Variants in SAMD12 observed in about 807,000 individuals in gnomAD.
SAMD12 encodes the protein sterile alpha motif domain-containing protein 12.
A neutral mutation model predicts 15.0 loss-of-function variants in SAMD12; 9 were observed. The ratio of observed to expected loss-of-function variants is 0.60; its 90% CI spans 0.36 to 1.05. The LOEUF (loss-of-function observed/expected upper bound fraction) is 1.05. Ranked by LOEUF, SAMD12 falls within the 50% of genes least tolerant of loss-of-function variation. SAMD12 has a pLI of 0.01. For missense variants in SAMD12, 230 were observed against 234.2 expected (o/e 0.98, Z 0.12); for synonymous variants, 86 against 90.1 (o/e 0.96, Z 0.25).
chr8:118,320,820 A>AAAAT (rs1554631088), intron 4 of SAMD12, among the ~76,000 whole-genome samples: 2 of 123,048 alleles, frequency 1.6e-5, no homozygotes, highest in African/African-American at 5.4e-5. Context: ...GTATAATAAA[A>AAAAT]ATATATATAT....
intron 4 of SAMD12, among the ~76,000 whole-genome samples, chr8:118,360,454 G>T (rs1382469006): frequency 6.6e-6 from 1 of 151,594 alleles, no homozygotes; most frequent in African/African-American, 2.4e-5. Context: ...TGAAGTCACT[G>T]TTTACATTGT....
At chr8:118,521,228 T>C (rs1340491478) in intron 2 of SAMD12, among the ~76,000 whole-genome samples, 1 of 152,176 alleles carries the variant, frequency 6.6e-6, no homozygotes, top group Admixed American at 6.6e-5. Context: ...CCAGCTGTTA[T>C]CTCTACCCAG....
intron 4 of SAMD12, among the ~76,000 whole-genome samples, chr8:118,304,499 G>T (rs185019913): frequency 6.6e-6 from 1 of 152,072 alleles, no homozygotes; most frequent in Non-Finnish European, 1.5e-5. Flanking sequence ...AGTGGCTCAC[G>T]CCTGTAATCG....
At chr8:118,264,978 A>G (rs1164795482) in intron 4 of SAMD12, among the ~76,000 whole-genome samples, 1 of 152,144 alleles carries the variant, frequency 6.6e-6, no homozygotes, top group African/African-American at 2.4e-5. Context: ...GGTACTTCCA[A>G]TGGTGATTTC....
chr8:118,511,849 A>G (rs1291304615), intron 2 of SAMD12, among the ~76,000 whole-genome samples: 5 of 152,230 alleles, frequency 3.3e-5, no homozygotes, highest in Non-Finnish European at 7.3e-5. Flanking sequence ...CAAGAGGGAC[A>G]TATACAAATC....
chr8:118,341,658 A>G (rs1270079799), intron 4 of SAMD12, among the ~76,000 whole-genome samples: 3 of 152,238 alleles, frequency 2.0e-5, no homozygotes, highest in Middle Eastern at 3.4e-3. Context: ...AGCAAGTGAG[A>G]GAGCTCTCTG....
chr8:118,420,852 T>A (rs1242320719), intron 3 of SAMD12, among the ~76,000 whole-genome samples: 2 of 152,188 alleles, frequency 1.3e-5, no homozygotes, highest in Non-Finnish European at 2.9e-5. Context: ...GAGATTAGAA[T>A]AGGGGTTGGC....
At chr8:118,584,352 T>C (rs1827374976) in intron 1 of SAMD12, among the ~76,000 whole-genome samples, 1 of 152,220 alleles carries the variant, frequency 6.6e-6, no homozygotes, top group Non-Finnish European at 1.5e-5. Flanking sequence ...CCTCCATCTC[T>C]TTGCTTGTGT....
In SAMD12 at chr8:118,241,578, T is replaced by C. The variant is rs192273020; in HGVS notation, c.434-43846A>G. The stretch of plus-strand genomic sequence containing the variant: ...ACCTTTTTGGAAATAATCCCAACTC[T>C]TGATAAGCATACTGCTGGCCTAGGG... On this transcript the variant is annotated intron_variant, in intron 4 of 4. Coordinates refer to the SAMD12 transcript ENST00000409003. 4.0e-4 allele frequency among the ~76,000 whole-genome samples: 61 copies of C among 152,266 alleles called. 1 individual carries two copies. Among genetic ancestry groups the C allele is most frequent in the African/African-American group, 1.3e-3 (55 of 41,578 alleles).
At chr8:118,302,493 G>T (rs1002011703) in intron 4 of SAMD12, among the ~76,000 whole-genome samples, 9 of 152,174 alleles carry the variant, frequency 5.9e-5, no homozygotes, top group African/African-American at 1.2e-4. Context: ...ATGTCAGCCT[G>T]CATGGTGCCA....
At chr8:118,611,869 T>G (rs1486026690) in intron 1 of SAMD12, among the ~76,000 whole-genome samples, 1 of 152,152 alleles carries the variant, frequency 6.6e-6, no homozygotes, top group Non-Finnish European at 1.5e-5. Context: ...AATCACATAG[T>G]CTTTTGCACT....
At chr8:118,188,037 A>AAGAG (rs145785924), downstream of SAMD12, among the ~76,000 whole-genome samples, 118 of 147,586 alleles carry the variant, frequency 8.0e-4, no homozygotes, top group African/African-American at 2.8e-3. Context: ...AATGGGTTGG[A>AAGAG]AGAGAGAGAG....
At chr8:118,175,012 T>A in the SAMD12 span, among the ~76,000 whole-genome samples, 1 of 147,702 alleles carries the variant, frequency 6.8e-6, no homozygotes, top group Admixed American at 6.9e-5. Flanking sequence ...TTCAAAAAAT[T>A]TAGCAGTAAA....
chr8:118,434,060 C>T (rs1822501065), intron 3 of SAMD12, among the ~76,000 whole-genome samples: 1 of 152,010 alleles, frequency 6.6e-6, no homozygotes, highest in African/African-American at 2.4e-5. Flanking sequence ...AAAAATCAGC[C>T]CTGAAGAGAA....
intron 3 of SAMD12, among the ~76,000 whole-genome samples, chr8:118,414,185 G>C (rs1288105961): frequency 1.3e-5 from 2 of 152,180 alleles, no homozygotes; most frequent in Non-Finnish European, 2.9e-5. Flanking sequence ...TCCTCCCACT[G>C]TATTTAGACA....
intron 4 of SAMD12, chr8:118,284,262 T>A (rs1323030726): frequency 4.4e-6 from 2 of 456,206 alleles, no homozygotes; most frequent in Admixed American, 4.7e-5. Context: ...AATCCCTTTG[T>A]CTTTTACAGT....
intron 1 of SAMD12, among the ~76,000 whole-genome samples, chr8:118,596,843 C>T (rs1827735842): frequency 6.6e-6 from 1 of 152,142 alleles, no homozygotes; most frequent in Non-Finnish European, 1.5e-5. Context: ...AGACAGATAT[C>T]ACACAAATAG....
intron 2 of SAMD12, among the ~76,000 whole-genome samples, chr8:118,580,333 C>T (rs1038789590): frequency 1.3e-5 from 2 of 152,116 alleles, no homozygotes; most frequent in African/African-American, 4.8e-5. Flanking sequence ...TCTGCTCAAC[C>T]TGATGAGAGA....
intron 3 of SAMD12, among the ~76,000 whole-genome samples, chr8:118,430,931 T>C (rs1822383170): frequency 1.3e-5 from 2 of 152,208 alleles, no homozygotes; most frequent in Non-Finnish European, 2.9e-5. Flanking sequence ...ACCATCTTTA[T>C]ACTTTTCTAT....
Sources: allele counts gnomAD v4.1 joint callset (sites outside exome capture counted in the v4.1 genomes callset), GRCh38; gene constraint gnomAD v4.1.1; transcripts MANE v1.5; gene names NCBI Gene and HGNC (gene_info 2026-07-23, HGNC 2026-07-21).